Variants in RASSF3 observed in about 807,000 individuals in gnomAD.
RASSF3 encodes Ras association domain family member 3.
In RASSF3, 19 loss-of-function variants were observed where a neutral mutation model predicts 19.9. The observed-to-expected ratio is 0.96, with a 90% CI of 0.67 to 1.40. The LOEUF (loss-of-function observed/expected upper bound fraction) is 1.40. RASSF3 is among the 40% of genes most tolerant of loss of function. RASSF3 has a pLI of 0.00. For missense variants in RASSF3, 306 were observed against 289.8 expected, an observed-to-expected ratio of 1.06 and a Z score of -0.41; for synonymous variants, 110 against 104.2, an observed-to-expected ratio of 1.06 and a Z score of -0.34.
chr12:64,516,085 A>G (rs552735083), intron 1 of RASSF3, among the ~76,000 whole-genome samples: 1 of 152,324 alleles, frequency 6.6e-6, no homozygotes, highest in South Asian at 2.1e-4. Flanking sequence ...AATAAAATTC[A>G]CCATATATTT....
At chr12:64,585,598 GTCCTTT>G (rs1233491237) in intron 2 of RASSF3, among the ~76,000 whole-genome samples, 3 of 132,734 alleles carry the variant, frequency 2.3e-5, no homozygotes, top group Admixed American at 9.0e-5. Context: ...TGCTAGGCAA[GTCCTTT>G]TTTTTTTTTT....
intron 1 of RASSF3, among the ~76,000 whole-genome samples, chr12:64,632,406 A>G (rs1286362707): frequency 6.6e-6 from 1 of 152,142 alleles, no homozygotes; most frequent in East Asian, 1.9e-4. Flanking sequence ...TGATTTTAAA[A>G]CTGACAGCAG....
At chr12:64,570,238 T>C (rs1435993326) in intron 2 of RASSF3, among the ~76,000 whole-genome samples, 48 of 152,274 alleles carry the variant, frequency 3.2e-4, no homozygotes, top group Non-Finnish European at 7.3e-5. Flanking sequence ...TCTTTGTAAA[T>C]GACTGATTTA....
chr12:64,580,543 G>A (rs1001011689), intron 2 of RASSF3, among the ~76,000 whole-genome samples: 3 of 150,524 alleles, frequency 2.0e-5, no homozygotes, highest in South Asian at 2.1e-4. Context: ...CATCCTGGGG[G>A]ATAGAATGAG....
At chr12:64,596,791 G>A (rs548776667) in intron 2 of RASSF3, among the ~76,000 whole-genome samples, 3 of 151,674 alleles carry the variant, frequency 2.0e-5, no homozygotes, top group African/African-American at 7.3e-5. Context: ...GTGCAATGGC[G>A]TGATCTCAGC....
chr12:64,626,886 T>A (rs1871015542), intron 1 of RASSF3, among the ~76,000 whole-genome samples: 1 of 152,134 alleles, frequency 6.6e-6, no homozygotes. Flanking sequence ...TTAAAATAAT[T>A]TGGTAGGAGA....
At chr12:64,649,644 G>A (rs1050789537) in intron 1 of RASSF3, among the ~76,000 whole-genome samples, 3 of 152,204 alleles carry the variant, frequency 2.0e-5, no homozygotes, top group East Asian at 1.9e-4. Flanking sequence ...AAATCATGCC[G>A]TCTCGATAGC....
chr12:64,595,418 G>A (rs1327119519), intron 2 of RASSF3, among the ~76,000 whole-genome samples: 1 of 152,026 alleles, frequency 6.6e-6, no homozygotes, highest in African/African-American at 2.4e-5. Flanking sequence ...ACATTTCCTA[G>A]TCATCTTCCC....
chr12:64,573,995 A>G (rs562933184), intron 2 of RASSF3, among the ~76,000 whole-genome samples: 175 of 152,170 alleles, frequency 1.2e-3, no homozygotes, highest in African/African-American at 4.0e-3. Context: ...AAATATGATC[A>G]CCTCAATAGA....
chr12:64,516,092 A>T (rs180847207), intron 1 of RASSF3, among the ~76,000 whole-genome samples: 5 of 152,320 alleles, frequency 3.3e-5, no homozygotes, highest in Admixed American at 3.3e-4. Context: ...TTCACCATAT[A>T]TTTCTGAGTA....
intron 2 of RASSF3, among the ~76,000 whole-genome samples, chr12:64,561,987 GTATTTATTTATT>G (rs71092982): frequency 1.1e-4 from 15 of 135,438 alleles, no homozygotes; most frequent in South Asian, 2.6e-4. Context: ...ATGGCCCATA[GTATTTATTTATT>G]TATTTATTTA....
At chr12:64,641,928 G>A (rs2136183347) in intron 1 of RASSF3, among the ~76,000 whole-genome samples, 1 of 152,034 alleles carries the variant, frequency 6.6e-6, no homozygotes, top group African/African-American at 2.4e-5. Context: ...CTTTAGTAGA[G>A]ACGGGGTTTC....
chr12:64,679,552 A>G (rs1268962238), intron 1 of RASSF3, among the ~76,000 whole-genome samples: 2 of 152,110 alleles, frequency 1.3e-5, no homozygotes, highest in African/African-American at 4.8e-5. Flanking sequence ...ATTGGGCCGC[A>G]CTTCTTGAGT....
chr12:64,574,310 T>TA (rs879703990), intron 2 of RASSF3, among the ~76,000 whole-genome samples: 1,389 of 135,556 alleles, frequency 0.01, 18 homozygotes, highest in African/African-American at 0.026. Context: ...GACTCTGTCT[T>TA]AAAAAAAAAA....
chr12:64,581,806 C>CTTTT (rs1869705712), intron 2 of RASSF3, among the ~76,000 whole-genome samples: 1 of 148,474 alleles, frequency 6.7e-6, no homozygotes, highest in African/African-American at 2.5e-5. Context: ...TTTTGTTTTT[C>CTTTT]TTTTTTGTTT....
intron 2 of RASSF3, among the ~76,000 whole-genome samples, chr12:64,567,661 G>A (rs1164857570): frequency 2.0e-5 from 3 of 152,198 alleles, no homozygotes; most frequent in African/African-American, 4.8e-5. Context: ...GATTCCCTAC[G>A]ACAGTTGACA....
chr12:64,680,840 G>T (rs546064275), intron 1 of RASSF3, among the ~76,000 whole-genome samples: 103 of 152,196 alleles, frequency 6.8e-4, no homozygotes, highest in African/African-American at 2.4e-3. Context: ...TCAAACTCCT[G>T]ATCTCAGGTG....
In RASSF3 at chr12:64,689,336, A is replaced by G. The variant is rs74764260; in HGVS notation, c.457+883A>G. On this transcript the variant is annotated intron_variant, in intron 3 of 4. Coordinates refer to ENST00000542104, the MANE Select transcript of RASSF3 (RefSeq NM_178169.4). Reference sequence around the variant, plus strand: ...ATATATTAACCTTGACATGATAGTAATGTTCTTCAGTTACACAGGATGAAA... The same window carrying G: ...ATATATTAACCTTGACATGATAGTAGTGTTCTTCAGTTACACAGGATGAAA... 3.2e-3 allele frequency among the ~76,000 whole-genome samples: 490 copies of G among 152,072 alleles called. 5 individuals are homozygous for G. The highest frequency in any genetic ancestry group is 0.011 in the African/African-American group (473 of 41,476).
At chr12:64,640,739 C>T (rs182166056) in intron 1 of RASSF3, among the ~76,000 whole-genome samples, 5 of 152,154 alleles carry the variant, frequency 3.3e-5, no homozygotes, top group Admixed American at 1.3e-4. Flanking sequence ...ACCTCCCGGG[C>T]CCAAGTGATC....
Sources: gnomAD v4.1 joint callset for allele counts (sites outside exome capture counted in the v4.1 genomes callset) on GRCh38, gnomAD v4.1.1 for gene constraint, MANE v1.5 for transcripts, NCBI Gene and HGNC (gene_info 2026-07-23, HGNC 2026-07-21) for gene names.